The following LRBA variants were observed in gnomAD, a reference collection of about 807,000 sequenced individuals.
LRBA encodes the protein LPS responsive beige-like anchor protein.
In LRBA, 176 loss-of-function variants were observed where a neutral mutation model predicts 330.0. The observed-to-expected ratio is 0.53, with a 90% CI of 0.47 to 0.60. The LOEUF is 0.60. Ranked by LOEUF, LRBA falls within the 20% of genes least tolerant of loss-of-function variation. The pLI, the probability that LRBA is intolerant of heterozygous loss-of-function variation, is 0.00. For synonymous variants in LRBA, 1,230 were observed against 1,193.0 expected, an observed-to-expected ratio of 1.03 and a Z score of -0.64; for missense variants, 3,259 against 3,444.8, an observed-to-expected ratio of 0.95 and a Z score of 1.35.
At chr4:150,760,510 C>T (rs1230674628) in intron 35 of LRBA, among the ~76,000 whole-genome samples, 2 of 151,774 alleles carry the variant, frequency 1.3e-5, no homozygotes, top group South Asian at 2.1e-4. Context: ...AGGCTTCCCA[C>T]GATCTTGAGG....
intron 46 of LRBA, chr4:150,423,251 G>T: frequency 8.8e-7 from 1 of 1,139,630 alleles, no homozygotes; most frequent in Non-Finnish European, 1.3e-6. Flanking sequence ...GAGCTGACAC[G>T]CAGCCGCCTC....
chr4:150,923,117 C>T (rs1023461627), intron 4 of LRBA, among the ~76,000 whole-genome samples: 5 of 147,112 alleles, frequency 3.4e-5, no homozygotes, highest in African/African-American at 4.9e-5. Context: ...TGGGTTTAGC[C>T]GGAGGTAGCC....
At chr4:150,883,952 A>C (rs1728671503) in intron 17 of LRBA, among the ~76,000 whole-genome samples, 1 of 152,214 alleles carries the variant, frequency 6.6e-6, no homozygotes. Flanking sequence ...TCCATGAAAA[A>C]AGACAGGAAT....
Position 150,916,622 on chromosome 4 carries a change from C to G in LRBA, c.762G>C (p.Leu254Phe). The change falls in exon 6 of 57, where the codon TTG (leucine) becomes TTC (phenylalanine). Residue 254 changes from leucine to phenylalanine, a missense_variant. Physicochemically the swap from Leu to Phe is conservative, Grantham distance 22. Coordinates refer to ENST00000651943, the MANE Select transcript of LRBA (RefSeq NM_001364905.1). ...NINVDKDKPYLYCFRTSKGLG... is the reference protein window; with the variant it reads ...NINVDKDKPYFYCFRTSKGLG... ...TCAGTTACAGAAATACATACCAATA[C>G]AAATATGGTTTATCCTTATCTACAT... 6.3e-7 allele frequency: 1 copy of G among 1,595,818 alleles called. No individual in the cohort carries two copies. The highest frequency in any genetic ancestry group is 8.5e-7 in the Non-Finnish European group (1 of 1,171,920).
intron 30 of LRBA, among the ~76,000 whole-genome samples, chr4:150,822,640 G>A (rs1166969738): frequency 6.6e-6 from 1 of 152,044 alleles, no homozygotes; most frequent in Non-Finnish European, 1.5e-5. Flanking sequence ...GTTGGTCCCA[G>A]CTACTCAGGG....
At chr4:150,809,850 AATACGATACGATACGATACG>A (rs70941451) in intron 31 of LRBA, among the ~76,000 whole-genome samples, 14,270 of 87,710 alleles carry the variant, frequency 0.16, 1,174 homozygotes, top group Non-Finnish European at 0.17. Context: ...CCTGTCTTAA[AATACGATACGATACGATACG>A]ATACGATACG....
At chr4:151,011,817 G>A (rs944198956) in intron 2 of LRBA, among the ~76,000 whole-genome samples, 1 of 151,760 alleles carries the variant, frequency 6.6e-6, no homozygotes, top group Non-Finnish European at 1.5e-5. Context: ...TGGGACCACA[G>A]GTATATGCCA....
At chr4:150,444,009 G>C (rs915918536) in intron 44 of LRBA, among the ~76,000 whole-genome samples, 18 of 150,470 alleles carry the variant, frequency 1.2e-4, no homozygotes, top group African/African-American at 3.9e-4. Flanking sequence ...TAGATTAAAT[G>C]CTCTTTTGAA....
At chr4:150,746,996 G>A (rs1447066571) in intron 35 of LRBA, among the ~76,000 whole-genome samples, 1 of 152,074 alleles carries the variant, frequency 6.6e-6, no homozygotes, top group Non-Finnish European at 1.5e-5. Flanking sequence ...CTGTATTGTT[G>A]ACAAGGTATC....
chr4:150,786,046 A>C (rs1291576491), intron 34 of LRBA, among the ~76,000 whole-genome samples: 1 of 152,198 alleles, frequency 6.6e-6, no homozygotes, highest in Non-Finnish European at 1.5e-5. Flanking sequence ...GAAATGGCTA[A>C]TCTATGAGAC....
At chr4:150,699,796 A>G (rs928040134) in intron 36 of LRBA, among the ~76,000 whole-genome samples, 14 of 152,324 alleles carry the variant, frequency 9.2e-5, no homozygotes, top group African/African-American at 3.1e-4. Flanking sequence ...CTGATGAGGT[A>G]GTCAGAGCTA....
At chr4:150,914,080 A>C in intron 9 of LRBA, 115 bp downstream of exon 9, 1 of 723,330 alleles carries the variant, frequency 1.4e-6, no homozygotes, top group South Asian at 2.9e-5. Context: ...ATCAAATAGT[A>C]GGTCTCATTT....
At chr4:150,715,074 A>C (rs554042972) in intron 36 of LRBA, among the ~76,000 whole-genome samples, 1 of 152,300 alleles carries the variant, frequency 6.6e-6, no homozygotes, top group East Asian at 1.9e-4. Context: ...AATTTCACTT[A>C]CCAACTGTTT....
intron 42 of LRBA, among the ~76,000 whole-genome samples, chr4:150,481,801 A>G (rs1012143101): frequency 6.6e-6 from 1 of 152,120 alleles, no homozygotes; most frequent in African/African-American, 2.4e-5. Flanking sequence ...TCCAGTGAAT[A>G]CAGGTATTGC....
rs557781843 is a variant in LRBA, at chr4:150,727,031, C to T, written c.5754+8227G>A. Among the ~76,000 whole-genome samples the T allele has an allele frequency of 1.9e-4, 27 of 140,350 alleles. 1 individual carries two copies. In the East Asian group the frequency reaches 2.9e-3, roughly 15 times the overall value. 92.1% of individuals were successfully genotyped at this position (140,350 alleles called of 152,430 possible). On this transcript the variant is annotated intron_variant, in intron 36 of 56. Transcript: ENST00000651943. ...AGCAGACTTCATCTGTACTACAGAACAAGTGGATCTAAAGTTATTTACAGA... is the reference window on the plus strand; with the variant it reads ...AGCAGACTTCATCTGTACTACAGAATAAGTGGATCTAAAGTTATTTACAGA...
chr4:150,417,964 A>G (rs1748026033), intron 46 of LRBA, among the ~76,000 whole-genome samples: 1 of 151,646 alleles, frequency 6.6e-6, no homozygotes, highest in Non-Finnish European at 1.5e-5. Context: ...CAACAAATTG[A>G]CAAAAAATTT....
At chr4:150,506,367 A>T (rs1358114012) in intron 40 of LRBA, among the ~76,000 whole-genome samples, 1 of 152,228 alleles carries the variant, frequency 6.6e-6, no homozygotes, top group East Asian at 1.9e-4. Flanking sequence ...CACATCAAAA[A>T]GCTTATCCAC....
chr4:150,925,169 A>G (rs1733752612), intron 4 of LRBA, among the ~76,000 whole-genome samples: 1 of 151,788 alleles, frequency 6.6e-6, no homozygotes, highest in South Asian at 2.1e-4. Context: ...GTCTTTAAAA[A>G]AAAAAAAAAG....
chr4:150,694,135 G>A (rs919217276), intron 36 of LRBA, among the ~76,000 whole-genome samples: 5 of 152,000 alleles, frequency 3.3e-5, no homozygotes, highest in African/African-American at 7.2e-5. Flanking sequence ...TTTCTACAGA[G>A]GTAGTCACTG....
Sources: gnomAD v4.1 joint callset for allele counts (sites outside exome capture counted in the v4.1 genomes callset) on GRCh38, gnomAD v4.1.1 for gene constraint, MANE v1.5 for transcripts, NCBI Gene and HGNC (gene_info 2026-07-23, HGNC 2026-07-21) for gene names.